CCDC148: variants seen among roughly 807,000 people sequenced by gnomAD.
CCDC148 encodes coiled-coil domain-containing protein 148.
Under a neutral mutation model 85.7 loss-of-function variants are expected in CCDC148, and 89 were observed. The ratio of observed to expected loss-of-function variants is 1.04; its 90% CI spans 0.87 to 1.24. The LOEUF is 1.24. Ranked by LOEUF, CCDC148 falls within the 50% of genes most tolerant of loss-of-function variation. The pLI is 0.00. For synonymous variants in CCDC148, 230 were observed against 213.9 expected, an observed-to-expected ratio of 1.08 and a Z score of -0.66; for missense variants, 692 against 671.7, an observed-to-expected ratio of 1.03 and a Z score of -0.33.
chr2:158,406,191 G>A (rs919819721), intron 1 of CCDC148, among the ~76,000 whole-genome samples: 3 of 152,130 alleles, frequency 2.0e-5, no homozygotes, highest in Non-Finnish European at 4.4e-5. Context: ...TGATAATATT[G>A]TAGGGGCTCT....
chr2:158,214,342 A>C (rs1019777208), intron 11 of CCDC148, among the ~76,000 whole-genome samples: 13 of 152,192 alleles, frequency 8.5e-5, no homozygotes, highest in African/African-American at 3.1e-4. Flanking sequence ...AAGCACCCCA[A>C]TATCCACCAA....
At position 158,267,091 on chromosome 2, in the gene CCDC148, C is replaced by T. The variant is rs74946113; in HGVS notation, c.1111-16179G>A. ...CTATCAAATTTCAACCTCTCCCGAA[C>T]TAGATAAAACTCCGATTCTTAGCAT... On this transcript the variant is annotated intron_variant, in intron 9 of 13. Transcript: ENST00000283233. Among the ~76,000 whole-genome samples the T allele has an allele frequency of 9.9e-5, 15 of 152,042 alleles. No homozygotes were observed. In the South Asian group the frequency reaches 2.7e-3, roughly 27 times the overall value.
chr2:158,353,519 AG>A (rs1368701530), intron 2 of CCDC148, among the ~76,000 whole-genome samples: 1 of 151,748 alleles, frequency 6.6e-6, no homozygotes, highest in Non-Finnish European at 1.5e-5. Flanking sequence ...TTCAACAAGA[AG>A]AGCTAACTAT....
chr2:158,275,884 T>C (rs1343523355), intron 9 of CCDC148, among the ~76,000 whole-genome samples: 2 of 152,134 alleles, frequency 1.3e-5, no homozygotes, highest in Non-Finnish European at 2.9e-5. Context: ...TCAGTACTTC[T>C]CTGTACCCAT....
At chr2:158,320,791 T>TA (rs1160199284) in intron 7 of CCDC148, among the ~76,000 whole-genome samples, 1 of 152,154 alleles carries the variant, frequency 6.6e-6, no homozygotes, top group African/African-American at 2.4e-5. Flanking sequence ...CTTCATCATA[T>TA]AAAACCCAGA....
chr2:158,315,440 CAT>C (rs1292254866), intron 7 of CCDC148, among the ~76,000 whole-genome samples: 3 of 152,098 alleles, frequency 2.0e-5, no homozygotes, highest in African/African-American at 7.2e-5. Context: ...AACTAAAGTA[CAT>C]GTCTTCATTA....
chr2:158,406,759 G>A (rs995676062), intron 1 of CCDC148, among the ~76,000 whole-genome samples: 5 of 151,174 alleles, frequency 3.3e-5, no homozygotes, highest in Non-Finnish European at 7.4e-5. Flanking sequence ...AGTAGCTGGA[G>A]CTAGAGGCAT....
chr2:158,422,932 C>A (rs978459371), intron 1 of CCDC148, among the ~76,000 whole-genome samples: 1 of 151,794 alleles, frequency 6.6e-6, no homozygotes, highest in Non-Finnish European at 1.5e-5. Context: ...CGGTCCTATA[C>A]ACCAATAACA....
chr2:158,322,298 C>T (rs1209517773), intron 7 of CCDC148, among the ~76,000 whole-genome samples: 5 of 152,010 alleles, frequency 3.3e-5, no homozygotes, highest in Admixed American at 6.6e-5. Flanking sequence ...TACAGTCATA[C>T]ATTGTAATAC....
chr2:158,348,463 C>T (rs970961171), intron 2 of CCDC148, among the ~76,000 whole-genome samples: 1 of 151,378 alleles, frequency 6.6e-6, no homozygotes, highest in Admixed American at 6.6e-5. Context: ...AATGTACAGA[C>T]CATATCTAGA....
At chr2:158,230,162 A>G (rs1024273437) in intron 10 of CCDC148, among the ~76,000 whole-genome samples, 3 of 152,198 alleles carry the variant, frequency 2.0e-5, no homozygotes, top group Non-Finnish European at 4.4e-5. Context: ...TATTGAGCAC[A>G]TGATAACTGG....
intron 7 of CCDC148, among the ~76,000 whole-genome samples, chr2:158,326,768 A>G (rs537354584): frequency 6.6e-6 from 1 of 152,282 alleles, no homozygotes; most frequent in African/African-American, 2.4e-5. Flanking sequence ...AGGATACAAT[A>G]AAAATTCTTT....
At chr2:158,295,676 G>C (rs1268980334) in intron 9 of CCDC148, among the ~76,000 whole-genome samples, 9 of 142,600 alleles carry the variant, frequency 6.3e-5, no homozygotes, top group African/African-American at 1.3e-4. Context: ...ATTCAACAAT[G>C]CTTCATGCTA....
At chr2:158,413,793 C>T (rs1385225129) in intron 1 of CCDC148, among the ~76,000 whole-genome samples, 2 of 152,130 alleles carry the variant, frequency 1.3e-5, no homozygotes, top group Non-Finnish European at 2.9e-5. Flanking sequence ...CAAAAATAGG[C>T]TGCTGGCCAG....
intron 10 of CCDC148, among the ~76,000 whole-genome samples, chr2:158,226,776 C>T (rs541211833): frequency 1.8e-4 from 28 of 152,190 alleles, no homozygotes; most frequent in African/African-American, 5.5e-4. Flanking sequence ...TAAAAACTCT[C>T]AATAAATTAG....
chr2:158,340,424 C>T (rs369183618), intron 4 of CCDC148, 31 bp from the exon 5 acceptor site: 3 of 1,606,794 alleles, frequency 1.9e-6, no homozygotes, highest in Non-Finnish European at 2.6e-6. Context: ...ATTAAAGGAA[C>T]ACATTATTAT....
At chr2:158,225,267 T>C (rs1171206711) in intron 10 of CCDC148, among the ~76,000 whole-genome samples, 1 of 152,184 alleles carries the variant, frequency 6.6e-6, no homozygotes, top group Non-Finnish European at 1.5e-5. Context: ...ATCCTAAATA[T>C]ATATGCACCC....
chr2:158,443,274 G>A (rs1219167648), intron 1 of CCDC148, among the ~76,000 whole-genome samples: 1 of 151,928 alleles, frequency 6.6e-6, no homozygotes, highest in Non-Finnish European at 1.5e-5. Flanking sequence ...CAGGGTGGGA[G>A]GATTCTGGCC....
At chr2:158,447,499 A>C (rs1035793192) in intron 1 of CCDC148, 3 of 152,210 alleles carry the variant, frequency 2.0e-5, no homozygotes, top group Non-Finnish European at 4.4e-5. Flanking sequence ...AATGACTCCA[A>C]AAAGTGTGTA....
Sources: gnomAD v4.1 joint callset for allele counts (sites outside exome capture counted in the v4.1 genomes callset) on GRCh38, gnomAD v4.1.1 for gene constraint, MANE v1.5 for transcripts, NCBI Gene and HGNC (gene_info 2026-07-23, HGNC 2026-07-21) for gene names.